Variants in WWP2 observed in about 807,000 individuals in gnomAD.
WWP2 encodes the protein WW domain containing E3 ubiquitin protein ligase 2.
A neutral mutation model predicts 121.0 loss-of-function variants in WWP2; 57 were observed. The ratio of observed to expected loss-of-function variants is 0.47; its 90% confidence interval spans 0.38 to 0.59. The LOEUF is 0.59. Ranked by LOEUF, WWP2 falls within the 20% of genes least tolerant of loss-of-function variation. The probability of loss-of-function intolerance (pLI) is 0.00; values close to 1 mark genes in which losing one functional copy is unlikely to be tolerated. For missense variants in WWP2, 962 were observed against 1,158.9 expected (o/e 0.83, Z 2.47); for synonymous variants, 449 against 441.3 (o/e 1.02, Z -0.22).
intron 9 of WWP2, among the ~76,000 whole-genome samples, chr16:69,914,440 G>A (rs1281255028): frequency 6.6e-6 from 1 of 150,708 alleles, no homozygotes; most frequent in Non-Finnish European, 1.5e-5. Flanking sequence ...CAGCTGTAGA[G>A]CAGGACCTTC....
chr16:69,842,363 T>C (rs1228689857), intron 6 of WWP2, among the ~76,000 whole-genome samples: 2 of 152,148 alleles, frequency 1.3e-5, no homozygotes, highest in Admixed American at 6.5e-5. Flanking sequence ...AGGGGGTACA[T>C]GTACAGGTTT....
At chr16:69,808,032 T>A (rs2056316557) in intron 4 of WWP2, among the ~76,000 whole-genome samples, 1 of 152,198 alleles carries the variant, frequency 6.6e-6, no homozygotes, top group Non-Finnish European at 1.5e-5. Flanking sequence ...TGCGTAATCA[T>A]CACCCACATC....
rs2058821285 is a variant in WWP2 at position 69,937,725 on chromosome 16, TCA to T, written c.2343+75_2343+76del. ...AAAGGAAACGGGTCCTGAGGAGGCCTCACGCGCAAGGACCTTCAGCTTTGGCC... is the reference window on the plus strand; with the variant it reads ...AAAGGAAACGGGTCCTGAGGAGGCCTCGCGCAAGGACCTTCAGCTTTGGCC... On this transcript the variant is annotated intron_variant, in intron 21 of 23. Coordinates refer to ENST00000359154, the MANE Select transcript of WWP2 (RefSeq NM_001270454.2). The surrounding 1 kb of genome is among the most constrained non-coding windows in gnomAD (Gnocchi z 6.6). The T allele has an allele frequency of 6.8e-7, 1 of 1,466,406 alleles. No homozygotes were observed. The highest frequency in any genetic ancestry group is 1.8e-5 in the Admixed American group (1 of 54,876). The allele number at this position is 1,466,406 out of a possible 1,614,324, so 90.8% of individuals were successfully genotyped here.
intron 4 of WWP2, among the ~76,000 whole-genome samples, chr16:69,816,849 T>C (rs899584222): frequency 2.0e-5 from 3 of 152,200 alleles, no homozygotes; most frequent in Admixed American, 2.0e-4. Flanking sequence ...TCTTCCTCCG[T>C]ACATTCAAGG....
At chr16:69,919,597 G>T (rs1597160910) in intron 10 of WWP2, among the ~76,000 whole-genome samples, 2 of 152,238 alleles carry the variant, frequency 1.3e-5, no homozygotes, top group South Asian at 4.1e-4. Flanking sequence ...CCCATTAGAG[G>T]GTCCACAGTG....
At chr16:69,913,985 T>A (rs1178445360) in intron 9 of WWP2, among the ~76,000 whole-genome samples, 1 of 138,032 alleles carries the variant, frequency 7.2e-6, no homozygotes, top group Admixed American at 8.3e-5. Context: ...GGAAGGAGAA[T>A]CGCTTGAACC....
rs78354043 is a variant in WWP2, at chr16:69,839,989, C to T, written c.341-137C>T. 1.9e-4 allele frequency: 237 copies of T among 1,265,672 alleles called. No homozygotes were observed. In the African/African-American group the frequency reaches 2.7e-3, roughly 14 times the overall value. 78.4% of individuals were successfully genotyped at this position (1,265,672 alleles called of 1,614,324 possible). A position where few individuals can be genotyped will look rare whatever the true frequency, so the allele number is the denominator to read the frequency against. On this transcript the variant is annotated intron_variant, in intron 4 of 23. Transcript: ENST00000359154. Reference sequence around the variant, plus strand: ...CCTTCCCACTCTTTTTTCCATGCCACGAGGCAAAATGTGAAGATGTGGAGA... The same window carrying T: ...CCTTCCCACTCTTTTTTCCATGCCATGAGGCAAAATGTGAAGATGTGGAGA...
intron 4 of WWP2, among the ~76,000 whole-genome samples, chr16:69,824,368 A>G (rs892952005): frequency 6.6e-6 from 1 of 152,174 alleles, no homozygotes; most frequent in African/African-American, 2.4e-5. Context: ...TCACAGTCAC[A>G]TAAGTGGGCA....
At chr16:69,826,933 C>T (rs1440621950) in intron 4 of WWP2, among the ~76,000 whole-genome samples, 12 of 121,272 alleles carry the variant, frequency 9.9e-5, no homozygotes, top group South Asian at 6.0e-4. Context: ...AGCGAGACTC[C>T]ACCTCAAAAA....
At chr16:69,803,539 A>C (rs900722735) in intron 4 of WWP2, among the ~76,000 whole-genome samples, 2 of 152,062 alleles carry the variant, frequency 1.3e-5, no homozygotes, top group African/African-American at 4.8e-5. Context: ...AGGTCCATTC[A>C]TTGGTTGTTC....
chr16:69,807,685 G>C (rs1448508002), intron 4 of WWP2, among the ~76,000 whole-genome samples: 1 of 148,366 alleles, frequency 6.7e-6, no homozygotes, highest in African/African-American at 2.5e-5. Context: ...AGGTGCAGTA[G>C]CTTATGTCTG....
At chr16:69,851,703 G>A (rs2057217435) in intron 6 of WWP2, among the ~76,000 whole-genome samples, 2 of 152,030 alleles carry the variant, frequency 1.3e-5, no homozygotes, top group African/African-American at 4.8e-5. Context: ...CAACTCGGTC[G>A]GGAACGGTGG....
intron 7 of WWP2, among the ~76,000 whole-genome samples, chr16:69,879,946 G>A (rs772543816): frequency 2.6e-5 from 4 of 151,654 alleles, no homozygotes; most frequent in South Asian, 4.2e-4. Flanking sequence ...GTATAATTTC[G>A]GTTTTTGCGT....
chr16:69,814,149 A>G (rs1240327672), intron 4 of WWP2, among the ~76,000 whole-genome samples: 2 of 152,076 alleles, frequency 1.3e-5, no homozygotes, highest in Non-Finnish European at 2.9e-5. Context: ...TGCATACCAA[A>G]TGTGGGGTCG....
At chr16:69,791,827 C>T (rs773445578) in intron 2 of WWP2, among the ~76,000 whole-genome samples, 1 of 152,104 alleles carries the variant, frequency 6.6e-6, no homozygotes, top group Non-Finnish European at 1.5e-5. Context: ...GCCCCCACCT[C>T]GGCCTCTTAA....
At chr16:69,790,360 GA>G (rs535878842) in intron 2 of WWP2, among the ~76,000 whole-genome samples, 3 of 152,066 alleles carry the variant, frequency 2.0e-5, no homozygotes, top group African/African-American at 4.8e-5. Context: ...TCATAAGGAG[GA>G]AAAAAATTTT....
chr16:69,803,915 A>G (rs989283842), intron 4 of WWP2, among the ~76,000 whole-genome samples: 3 of 152,208 alleles, frequency 2.0e-5, no homozygotes, highest in African/African-American at 7.2e-5. Flanking sequence ...CTCAAAAAAA[A>G]ATAAAGTAAA....
chr16:69,769,413 A>C (rs988126917), intron 1 of WWP2, among the ~76,000 whole-genome samples: 2 of 152,192 alleles, frequency 1.3e-5, no homozygotes, highest in African/African-American at 4.8e-5. Context: ...ATTAGAAATA[A>C]AATCTTTGTG....
At chr16:69,783,780 T>A (rs1035318226) in intron 1 of WWP2, among the ~76,000 whole-genome samples, 59 of 149,708 alleles carry the variant, frequency 3.9e-4, no homozygotes, top group African/African-American at 1.3e-3. Context: ...ACCTTGTTTC[T>A]ACAACAACAA....
Sources: gnomAD v4.1 joint callset for allele counts (sites outside exome capture counted in the v4.1 genomes callset) on GRCh38, gnomAD v4.1.1 for gene constraint, Gnocchi (gnomAD v3.1) non-coding constraint, MANE v1.5 for transcripts, NCBI Gene and HGNC (gene_info 2026-07-23, HGNC 2026-07-21) for gene names.